SLC22A15: variants seen among roughly 807,000 people sequenced by gnomAD.
The protein encoded by SLC22A15 is solute carrier family 22 member 15.
SLC22A15 carries 45 observed loss-of-function variants against 62.7 expected under a neutral mutation model. That is an observed-to-expected ratio of 0.72 (90% CI 0.56 to 0.92). The LOEUF (loss-of-function observed/expected upper bound fraction) is 0.92, where lower values mean the gene tolerates loss of function less well. Among genes scored for constraint, SLC22A15 ranks in the 40% least tolerant of loss-of-function variants. The pLI, the probability that SLC22A15 is intolerant of heterozygous loss-of-function variation, is 0.00. For missense variants in SLC22A15, 622 were observed against 665.6 expected (o/e 0.93, Z 0.72); for synonymous variants, 264 against 267.0 (o/e 0.99, Z 0.11).
intron 4 of SLC22A15, among the ~76,000 whole-genome samples, chr1:116,021,135 G>C (rs554390474): frequency 6.6e-6 from 1 of 152,330 alleles, no homozygotes; most frequent in South Asian, 2.1e-4. Context: ...ACTGCCTACA[G>C]ATTACTGTGG....
chr1:116,017,032 G>A (rs1352514484), intron 2 of SLC22A15, among the ~76,000 whole-genome samples: 2 of 152,126 alleles, frequency 1.3e-5, no homozygotes, highest in Non-Finnish European at 1.5e-5. Flanking sequence ...GCTCCTTACT[G>A]TGGCCTAACC....
At chr1:116,027,914 C>T (rs1025495337) in intron 5 of SLC22A15, among the ~76,000 whole-genome samples, 10 of 152,176 alleles carry the variant, frequency 6.6e-5, no homozygotes, top group South Asian at 2.1e-4. Context: ...CGTGAGCCAC[C>T]GCGCCTGGCA....
At chr1:116,033,466 TG>T (rs1657504584) in intron 6 of SLC22A15, among the ~76,000 whole-genome samples, 1 of 152,058 alleles carries the variant, frequency 6.6e-6, no homozygotes, top group African/African-American at 2.4e-5. Flanking sequence ...CACCACCAGC[TG>T]GGAACTAAAT....
chr1:115,996,978 T>C (rs1655460814), intron 2 of SLC22A15, among the ~76,000 whole-genome samples: 1 of 152,102 alleles, frequency 6.6e-6, no homozygotes, highest in South Asian at 2.1e-4. Flanking sequence ...TTTACCTTAT[T>C]CCTCTGGCTA....
At chr1:116,029,148 C>G (rs1278237125) in intron 5 of SLC22A15, among the ~76,000 whole-genome samples, 2 of 152,212 alleles carry the variant, frequency 1.3e-5, no homozygotes, top group African/African-American at 4.8e-5. Flanking sequence ...GGCACAAAAA[C>G]ATTTGGAATC....
intron 6 of SLC22A15, among the ~76,000 whole-genome samples, chr1:116,033,512 G>A (rs1000074365): frequency 6.6e-6 from 1 of 151,202 alleles, no homozygotes; most frequent in Non-Finnish European, 1.5e-5. Flanking sequence ...GTCTATTCTT[G>A]CCCTGACTTG....
intron 1 of SLC22A15, among the ~76,000 whole-genome samples, chr1:115,983,989 C>T (rs958320884): frequency 1.3e-5 from 2 of 152,218 alleles, no homozygotes; most frequent in African/African-American, 4.8e-5. Context: ...GGCATTCTAA[C>T]ATTGTGCATA....
rs186065059 is a variant in SLC22A15 at position 115,986,367 on chromosome 1, G to A, written c.88-5664G>A. ...AAATTAGGGTTTCTTTCCTTCAGGA[G>A]GTGACAAATCATTGAAAATTAGAGT... On this transcript the variant is annotated intron_variant, in intron 1 of 11. Transcript: ENST00000369503. 2.0e-4 allele frequency among the ~76,000 whole-genome samples: 30 copies of A among 152,210 alleles called. 1 individual carries two copies. The highest frequency in any genetic ancestry group is 1.9e-3 in the Admixed American group (29 of 15,292).
intron 2 of SLC22A15, among the ~76,000 whole-genome samples, chr1:115,995,725 G>A (rs530718937): frequency 6.6e-6 from 1 of 152,130 alleles, no homozygotes; most frequent in Admixed American, 6.5e-5. Flanking sequence ...TCTTTTCAAT[G>A]ATTTGTAATT....
chr1:116,058,676 T>C (rs879152551), intron 8 of SLC22A15, among the ~76,000 whole-genome samples: 1 of 152,226 alleles, frequency 6.6e-6, no homozygotes, highest in Non-Finnish European at 1.5e-5. Flanking sequence ...TGCATGTTTA[T>C]AGCAGCACAA....
intron 2 of SLC22A15, among the ~76,000 whole-genome samples, chr1:115,997,183 T>C (rs1166444008): frequency 2.0e-5 from 3 of 152,202 alleles, no homozygotes; most frequent in Non-Finnish European, 2.9e-5. Context: ...GCTGCTTTGG[T>C]TACTATAGCT....
In SLC22A15 at chr1:115,992,126, C is replaced by G; in HGVS notation, c.183C>G (p.His61Gln). The G allele has an allele frequency of 6.2e-7, 1 of 1,613,892 alleles. No homozygotes were observed. Among genetic ancestry groups the G allele is most frequent in the Middle Eastern group, 1.6e-4 (1 of 6,062 alleles). ...CAGAGCTCCTGCCAAATCAGAGCCA[C>G]GGTAACCAGTCAGCTGGTGAAGACC... ...DLAELLPNQS[H>Q]GNQSAGEDQA... is the part of the protein sequence containing the mutation. Residue 61 changes from histidine to glutamine, a missense_variant, in exon 2 of 12, where the codon CAC becomes CAG. His to Gln is a conservative substitution (Grantham distance 24, BLOSUM62 0). Transcript: ENST00000369503.
chr1:116,050,011 T>A (rs1658010039), intron 8 of SLC22A15, among the ~76,000 whole-genome samples: 1 of 151,972 alleles, frequency 6.6e-6, no homozygotes, highest in South Asian at 2.1e-4. Context: ...GATGGATAAG[T>A]TCATGGAAAA....
intron 2 of SLC22A15, among the ~76,000 whole-genome samples, chr1:116,005,582 C>T (rs768352791): frequency 6.6e-6 from 1 of 152,128 alleles, no homozygotes; most frequent in Non-Finnish European, 1.5e-5. Context: ...GAAGTCCTAG[C>T]TCTTTAGTCT....
At chr1:116,031,799 C>A in intron 6 of SLC22A15, 1 of 1,408,450 alleles carries the variant, frequency 7.1e-7, no homozygotes, top group African/African-American at 1.4e-5. Flanking sequence ...ATGGGCAGGT[C>A]CACTGAGCTT....
intron 1 of SLC22A15, among the ~76,000 whole-genome samples, chr1:115,981,912 G>A (rs182729670): frequency 2.0e-3 from 299 of 152,368 alleles, no homozygotes; most frequent in Non-Finnish European, 3.1e-3. Flanking sequence ...AGGCTTGAAT[G>A]TTGTGCTACT....
intron 5 of SLC22A15, 147 bp from the exon 6 acceptor site, chr1:116,031,219 T>G: frequency 1.6e-6 from 1 of 620,344 alleles, no homozygotes; most frequent in Non-Finnish European, 2.8e-6. Flanking sequence ...AGTAGCCCTT[T>G]CATATGTTAT....
chr1:116,066,465 A>T (rs1658500830), intron 10 of SLC22A15, 55 bp from the exon 11 acceptor site: 4 of 1,480,040 alleles, frequency 2.7e-6, no homozygotes, highest in Middle Eastern at 1.8e-4. Flanking sequence ...CTTGTATTAC[A>T]TGCTAAGGAA....
At chr1:115,997,458 G>A (rs1378465843) in intron 2 of SLC22A15, among the ~76,000 whole-genome samples, 1 of 151,882 alleles carries the variant, frequency 6.6e-6, no homozygotes, top group Admixed American at 6.6e-5. Flanking sequence ...CCATTTTTTT[G>A]TGTCCTTTTC....
Sources: allele counts gnomAD v4.1 joint callset (sites outside exome capture counted in the v4.1 genomes callset), GRCh38; gene constraint gnomAD v4.1.1; transcripts MANE v1.5; gene names NCBI Gene and HGNC (gene_info 2026-07-23, HGNC 2026-07-21).